Variants in ANGPT2 observed in about 807,000 individuals in gnomAD.
ANGPT2 encodes angiopoietin 2, also known as angiopoietin-2.
ANGPT2 carries 28 observed loss-of-function variants against 62.9 expected under a neutral mutation model. The observed-to-expected ratio is 0.44, with a 90% CI of 0.33 to 0.61. The LOEUF (loss-of-function observed/expected upper bound fraction) is 0.61, where lower values mean the gene tolerates loss of function less well. Ranked by LOEUF, ANGPT2 falls within the 20% of genes least tolerant of loss-of-function variation. The pLI is 0.03. For missense variants in ANGPT2, 727 were observed against 594.9 expected, an observed-to-expected ratio of 1.22 and a Z score of -2.31; for synonymous variants, 284 against 207.8, an observed-to-expected ratio of 1.37 and a Z score of -3.15.
At chr8:6,506,084 C>T (rs1813675398) in intron 8 of ANGPT2, among the ~76,000 whole-genome samples, 1 of 149,322 alleles carries the variant, frequency 6.7e-6, no homozygotes, top group South Asian at 2.1e-4. Context: ...TTTGTTATTT[C>T]ATCCAGGTTC....
intron 1 of ANGPT2, among the ~76,000 whole-genome samples, chr8:6,544,728 G>A (rs1234459962): frequency 6.6e-6 from 1 of 152,144 alleles, no homozygotes; most frequent in Non-Finnish European, 1.5e-5. Context: ...AATTCATTAA[G>A]ATAAAGACAC....
rs913017325 is a variant in ANGPT2, at chr8:6,499,836, G to C, written c.*3265C>G. 6.2e-7 allele frequency: 1 copy of C among 1,611,444 alleles called. No homozygotes were observed. Among genetic ancestry groups the C allele is most frequent in the African/African-American group, 1.3e-5 (1 of 74,854 alleles). ...TAATAAATGTATAATAAATCTGCTT[G>C]TTGTGTCACTTGCAGGTGCTATGGT... On this transcript the variant is annotated 3_prime_UTR_variant, in exon 9 of 9. Coordinates refer to ENST00000629816, the MANE Select transcript of ANGPT2 (RefSeq NM_001118887.2).
chr8:6,532,914 C>T (rs1284406743), intron 1 of ANGPT2, among the ~76,000 whole-genome samples: 3 of 152,210 alleles, frequency 2.0e-5, no homozygotes, highest in Non-Finnish European at 4.4e-5. Context: ...ATTTCTCTCA[C>T]ATTCTAGACT....
In ANGPT2 at chr8:6,502,201, A is replaced by G. The variant is rs1043933356; in HGVS notation, c.*900T>C. ...AATGTATAATTTTCCTCATCATTAA[A>G]AGTAAGAAGTTTCCTTATCACAAGG... On this transcript the variant is annotated 3_prime_UTR_variant, in exon 9 of 9. Transcript: ENST00000629816. 7 of 152,204 alleles carry G rather than the reference A, an allele frequency of 4.6e-5. No individual in the cohort carries two copies. Among genetic ancestry groups the G allele is most frequent in the African/African-American group, 1.7e-4 (7 of 41,462 alleles). 9.4% of individuals were successfully genotyped at this position (152,204 alleles called of 1,614,324 possible). A position where few individuals can be genotyped will look rare whatever the true frequency, so the allele number is the denominator to read the frequency against.
intron 5 of ANGPT2, among the ~76,000 whole-genome samples, chr8:6,515,308 C>T (rs746118883): frequency 2.6e-5 from 4 of 152,114 alleles, no homozygotes; most frequent in East Asian, 3.9e-4. Context: ...GGCTGTTTGG[C>T]TTCCTTTATG....
chr8:6,543,945 G>A (rs1295645097), intron 1 of ANGPT2, among the ~76,000 whole-genome samples: 5 of 152,142 alleles, frequency 3.3e-5, no homozygotes, highest in Non-Finnish European at 5.9e-5. Flanking sequence ...ACGGGGCTAT[G>A]TTTTGCACCT....
At chr8:6,526,106 C>T (rs940326760) in intron 3 of ANGPT2, among the ~76,000 whole-genome samples, 19 of 151,936 alleles carry the variant, frequency 1.3e-4, no homozygotes, top group African/African-American at 4.6e-4. Context: ...TTGAAGAGAA[C>T]ATTACTAAGT....
intron 1 of ANGPT2, among the ~76,000 whole-genome samples, chr8:6,538,658 C>A (rs1820946290): frequency 6.6e-6 from 1 of 152,108 alleles, no homozygotes; most frequent in Non-Finnish European, 1.5e-5. Flanking sequence ...CATTGCATGC[C>A]CTAAGCAAAG....
Position 6,499,836 on chromosome 8 carries a change from G to A in ANGPT2, c.*3265C>T, listed in dbSNP as rs913017325. On this transcript the variant is annotated 3_prime_UTR_variant, in exon 9 of 9. Transcript: ENST00000629816. ...TAATAAATGTATAATAAATCTGCTT[G>A]TTGTGTCACTTGCAGGTGCTATGGT... The A allele has an allele frequency of 1.2e-6, 2 of 1,611,562 alleles. No homozygotes were observed. The highest frequency in any genetic ancestry group is 1.7e-6 in the Non-Finnish European group (2 of 1,178,856).
chr8:6,534,291 G>T (rs773617882), intron 1 of ANGPT2, among the ~76,000 whole-genome samples: 1 of 152,156 alleles, frequency 6.6e-6, no homozygotes, highest in Non-Finnish European at 1.5e-5. Flanking sequence ...TTGACATTGT[G>T]TTAGGTATTC....
At chr8:6,516,828 T>C (rs1274520836) in intron 5 of ANGPT2, among the ~76,000 whole-genome samples, 1 of 152,206 alleles carries the variant, frequency 6.6e-6, no homozygotes, top group African/African-American at 2.4e-5. Flanking sequence ...TAAATACATG[T>C]TCTATCTTGT....
intron 3 of ANGPT2, among the ~76,000 whole-genome samples, chr8:6,521,762 A>T (rs969695729): frequency 6.6e-6 from 1 of 152,186 alleles, no homozygotes; most frequent in African/African-American, 2.4e-5. Context: ...AGTGCTCATG[A>T]AGTGCTTTTT....
chr8:6,505,464 A>G (rs1238226424), intron 8 of ANGPT2, among the ~76,000 whole-genome samples: 1 of 77,002 alleles, frequency 1.3e-5, no homozygotes, highest in Non-Finnish European at 2.9e-5. Flanking sequence ...GAATATATAT[A>G]TTCTTTACAT....
chr8:6,522,167 A>G (rs1381179834), intron 3 of ANGPT2, among the ~76,000 whole-genome samples: 3 of 151,926 alleles, frequency 2.0e-5, no homozygotes, highest in Non-Finnish European at 4.4e-5. Flanking sequence ...TATCCTGGCT[A>G]ACACGGTGAA....
At chr8:6,505,933 T>TAC (rs1372933429) in intron 8 of ANGPT2, among the ~76,000 whole-genome samples, 1 of 73,824 alleles carries the variant, frequency 1.4e-5, no homozygotes, top group Non-Finnish European at 2.3e-5. Context: ...TATAAAAACA[T>TAC]ACATATTCTT....
At chr8:6,545,638 G>C (rs1005750713) in intron 1 of ANGPT2, among the ~76,000 whole-genome samples, 1 of 152,164 alleles carries the variant, frequency 6.6e-6, no homozygotes, top group Non-Finnish European at 1.5e-5. Flanking sequence ...AAGCATAAAA[G>C]GCATTTGCTC....
chr8:6,537,285 A>G (rs1429144640), intron 1 of ANGPT2, among the ~76,000 whole-genome samples: 1 of 152,102 alleles, frequency 6.6e-6, no homozygotes, highest in Non-Finnish European at 1.5e-5. Context: ...TATGTGTGCG[A>G]GGACAGTGTG....
chr8:6,542,016 A>T (rs897843685), intron 1 of ANGPT2, among the ~76,000 whole-genome samples: 27 of 152,082 alleles, frequency 1.8e-4, no homozygotes, highest in African/African-American at 6.3e-4. Flanking sequence ...TCAAAAAAAA[A>T]AAAAAAAAAG....
intron 1 of ANGPT2, among the ~76,000 whole-genome samples, chr8:6,554,900 T>C (rs1043782136): frequency 8.5e-5 from 13 of 152,186 alleles, no homozygotes; most frequent in African/African-American, 3.1e-4. Flanking sequence ...TTTTGTCAAG[T>C]GGTGCAAGGA....
Sources: allele counts gnomAD v4.1 joint callset (sites outside exome capture counted in the v4.1 genomes callset), GRCh38; gene constraint gnomAD v4.1.1; transcripts MANE v1.5; gene names NCBI Gene and HGNC (gene_info 2026-07-23, HGNC 2026-07-21).